The following HSD17B12 variants were observed in gnomAD, a reference collection of about 807,000 sequenced individuals.
HSD17B12 encodes hydroxysteroid 17-beta dehydrogenase 12, also known as very-long-chain 3-oxoacyl-CoA reductase.
Under a neutral mutation model 39.3 loss-of-function variants are expected in HSD17B12, and 32 were observed. The ratio of observed to expected loss-of-function variants is 0.81; its 90% confidence interval spans 0.61 to 1.09. The LOEUF is 1.09. Among genes scored for constraint, HSD17B12 ranks in the 50% least tolerant of loss-of-function variants. The pLI is 0.00. For synonymous variants in HSD17B12, 150 were observed against 146.7 expected, an observed-to-expected ratio of 1.02 and a Z score of -0.16; for missense variants, 342 against 382.9, an observed-to-expected ratio of 0.89 and a Z score of 0.89.
At chr11:43,587,150 A>T in the HSD17B12 span, among the ~76,000 whole-genome samples, 1 of 152,184 alleles carries the variant, frequency 6.6e-6, no homozygotes, top group Non-Finnish European at 1.5e-5. Context: ...CTATAAAATT[A>T]AGTGCTTTGG....
chr11:43,686,531 T>C (rs10742685), intron 1 of HSD17B12, among the ~76,000 whole-genome samples: 151,386 of 151,386 alleles, frequency 1, 75,693 homozygotes, highest in Non-Finnish European at 1. Context: ...GATCCTGAGT[T>C]TACATTCCCT....
At chr11:43,652,897 A>G in the HSD17B12 span, among the ~76,000 whole-genome samples, 12 of 152,146 alleles carry the variant, frequency 7.9e-5, no homozygotes, top group Non-Finnish European at 1.6e-4. Flanking sequence ...TCTAATACTA[A>G]TAAGATCATA....
At chr11:43,681,870 C>A (rs1053970851) in intron 1 of HSD17B12, among the ~76,000 whole-genome samples, 4 of 123,308 alleles carry the variant, frequency 3.2e-5, no homozygotes, top group African/African-American at 1.2e-4. Context: ...TTGTTTCCTT[C>A]TTTGCTTTAT....
chr11:43,606,900 T>A, the HSD17B12 span, among the ~76,000 whole-genome samples: 1 of 152,162 alleles, frequency 6.6e-6, no homozygotes, highest in Non-Finnish European at 1.5e-5. Context: ...ACATACCTTT[T>A]CAGCATGGCA....
At chr11:43,636,593 T>G in the HSD17B12 span, among the ~76,000 whole-genome samples, 1 of 152,142 alleles carries the variant, frequency 6.6e-6, no homozygotes, top group Non-Finnish European at 1.5e-5. Flanking sequence ...AGATCTATTT[T>G]TTTTTTTTGC....
chr11:43,749,143 C>T (rs1950442730), intron 1 of HSD17B12, among the ~76,000 whole-genome samples: 1 of 152,078 alleles, frequency 6.6e-6, no homozygotes, highest in East Asian at 1.9e-4. Context: ...TATCCAACCA[C>T]CATGGGACAG....
At chr11:43,818,303 G>T (rs1301907935) in intron 6 of HSD17B12, among the ~76,000 whole-genome samples, 2 of 152,094 alleles carry the variant, frequency 1.3e-5, no homozygotes, top group African/African-American at 2.4e-5. Context: ...TAACTAGTCT[G>T]GTTGCTAGTT....
intron 3 of HSD17B12, 129 bp downstream of exon 3, chr11:43,754,250 G>T: frequency 1.5e-6 from 1 of 670,308 alleles, no homozygotes. Flanking sequence ...TAAAGAGCAT[G>T]AAAAAGCACA....
chr11:43,557,746 G>A, the HSD17B12 span, among the ~76,000 whole-genome samples: 2 of 152,126 alleles, frequency 1.3e-5, no homozygotes, highest in African/African-American at 4.8e-5. Context: ...AGCCCTGCAG[G>A]GTGAAGGGTT....
intron 4 of HSD17B12, among the ~76,000 whole-genome samples, chr11:43,801,433 G>A (rs2135051398): frequency 6.6e-6 from 1 of 152,122 alleles, no homozygotes; most frequent in East Asian, 1.9e-4. Flanking sequence ...GAGAATTTAT[G>A]GATGACTTTC....
chr11:43,604,889 T>G, the HSD17B12 span, among the ~76,000 whole-genome samples: 1 of 152,208 alleles, frequency 6.6e-6, no homozygotes, highest in Non-Finnish European at 1.5e-5. Context: ...CAAGTCAAGT[T>G]ACAACTGCCC....
At chr11:43,590,496 G>A in the HSD17B12 span, among the ~76,000 whole-genome samples, 3 of 84,212 alleles carry the variant, frequency 3.6e-5, no homozygotes, top group African/African-American at 1.2e-4. Flanking sequence ...ATTTTGTAGT[G>A]GAGTGAGTGA....
the HSD17B12 span, among the ~76,000 whole-genome samples, chr11:43,597,597 G>A: frequency 1.3e-5 from 2 of 152,120 alleles, no homozygotes; most frequent in African/African-American, 4.8e-5. Flanking sequence ...GACTAGTCAT[G>A]GTCATTAAGA....
At chr11:43,613,285 G>A in the HSD17B12 span, among the ~76,000 whole-genome samples, 2 of 151,854 alleles carry the variant, frequency 1.3e-5, no homozygotes, top group Non-Finnish European at 2.9e-5. Flanking sequence ...TCAGCTACTC[G>A]GGAGGCTGAG....
the HSD17B12 span, among the ~76,000 whole-genome samples, chr11:43,627,103 G>C: frequency 6.6e-6 from 1 of 151,888 alleles, no homozygotes; most frequent in Admixed American, 6.6e-5. Context: ...ATCTAGACAT[G>C]TTGACATTAT....
intron 1 of HSD17B12, among the ~76,000 whole-genome samples, chr11:43,683,393 T>C (rs113122839): frequency 0.019 from 2,837 of 146,894 alleles, 35 homozygotes; most frequent in Non-Finnish European, 0.026. Flanking sequence ...GGGTTTTGGA[T>C]TTTTTTTTTT....
the HSD17B12 span, chr11:43,584,607 A>G: frequency 1.3e-5 from 2 of 152,306 alleles, no homozygotes; most frequent in Non-Finnish European, 2.9e-5. Flanking sequence ...AGGGGTGGCC[A>G]CTGAAGGAGG....
At chr11:43,591,936 C>G in the HSD17B12 span, among the ~76,000 whole-genome samples, 4 of 151,858 alleles carry the variant, frequency 2.6e-5, no homozygotes, top group Admixed American at 2.0e-4. Flanking sequence ...GGGCAGTGCA[C>G]CACTTTCTTC....
chr11:43,662,377 T>TTGTTTGTGTGTG, the HSD17B12 span, among the ~76,000 whole-genome samples: 1 of 128,524 alleles, frequency 7.8e-6, no homozygotes, highest in South Asian at 2.6e-4. Context: ...TTTATTTTAT[T>TTGTTTGTGTGTG]TGTGTGTGTG....
Sources: gnomAD v4.1 joint callset for allele counts (sites outside exome capture counted in the v4.1 genomes callset) on GRCh38, gnomAD v4.1.1 for gene constraint, MANE v1.5 for transcripts, NCBI Gene and HGNC (gene_info 2026-07-23, HGNC 2026-07-21) for gene names.